SCN1A: variants seen among roughly 807,000 people sequenced by gnomAD.
SCN1A encodes sodium voltage-gated channel alpha subunit 1.
SCN1A carries 13 observed loss-of-function variants against 193.7 expected under a neutral mutation model. The observed-to-expected ratio is 0.07, with a 90% CI of 0.04 to 0.11. The LOEUF is 0.11. Among genes scored for constraint, SCN1A ranks in the 10% least tolerant of loss-of-function variants. The pLI is 1.00. For synonymous variants in SCN1A, 781 were observed against 843.6 expected, an observed-to-expected ratio of 0.93 and a Z score of 1.29; for missense variants, 1,432 against 2,451.1, an observed-to-expected ratio of 0.58 and a Z score of 8.78.
chr2:166,019,178 C>T (rs1003819804), intron 19 of SCN1A, among the ~76,000 whole-genome samples: 1 of 151,932 alleles, frequency 6.6e-6, no homozygotes, highest in Non-Finnish European at 1.5e-5. Flanking sequence ...TTTTTTAATG[C>T]ATAGAGCTTG....
chr2:166,140,144 C>T (rs1342049299), intron 1 of SCN1A, among the ~76,000 whole-genome samples: 4 of 152,040 alleles, frequency 2.6e-5, no homozygotes, highest in Admixed American at 6.6e-5. Context: ...CACACAGTAA[C>T]GAGGTGACTA....
chr2:166,133,611 A>T (rs1362817227), intron 1 of SCN1A, among the ~76,000 whole-genome samples: 2 of 152,140 alleles, frequency 1.3e-5, no homozygotes, highest in Non-Finnish European at 2.9e-5. Context: ...TGCTCTGTAT[A>T]TATCTTTAAT....
rs905786944 is a variant in SCN1A at position 166,103,059 on chromosome 2, G to T, written c.-142+23865C>A. Among the ~76,000 whole-genome samples, 4 of 143,600 alleles carry T rather than the reference G, an allele frequency of 2.8e-5. No homozygotes were observed. The East Asian group carries it at 5.9e-4, about 21-fold the overall frequency. The allele number at this position is 143,600 out of a possible 152,430, so 94.2% of individuals were successfully genotyped here. A position where few individuals can be genotyped will look rare whatever the true frequency, so the allele number is the denominator to read the frequency against. On this transcript the variant is annotated intron_variant, in intron 2 of 28. Transcript: ENST00000674923. ...CTATTAGATTTCAAGCCTGACTTTA[G>T]ATTTGGGAGATATATATATATATAT...
At chr2:166,132,677 G>A (rs1423343719), upstream of SCN1A, among the ~76,000 whole-genome samples, 2 of 152,086 alleles carry the variant, frequency 1.3e-5, no homozygotes, top group South Asian at 2.1e-4. Flanking sequence ...ACAATTTTTT[G>A]ATGGCAAGAA....
intron 3 of SCN1A, among the ~76,000 whole-genome samples, chr2:166,076,665 A>T (rs1485587110): frequency 1.3e-5 from 2 of 152,032 alleles, no homozygotes; most frequent in Non-Finnish European, 2.9e-5. Flanking sequence ...TAATCAATAC[A>T]GTGTGGTACT....
chr2:166,130,768 A>G (rs555063858), upstream of SCN1A, among the ~76,000 whole-genome samples: 86 of 152,330 alleles, frequency 5.6e-4, no homozygotes, highest in African/African-American at 2.0e-3. Context: ...ATCATTCTGT[A>G]CACAGATACT....
At chr2:166,085,457 T>C (rs1686008749) in intron 2 of SCN1A, among the ~76,000 whole-genome samples, 1 of 152,120 alleles carries the variant, frequency 6.6e-6, no homozygotes, top group Admixed American at 6.6e-5. Context: ...CTCTTTAGCA[T>C]AAACTCAATT....
At position 166,009,913 on chromosome 2, in the gene SCN1A, C is replaced by A. The variant is rs534314134; in HGVS notation, c.3880-72G>T. ...AATGTGTAGTTGCTATATAATACAA[C>A]AAGTATAATTTTTGCTTATAATTAT... On this transcript the variant is annotated intron_variant, in intron 22 of 28. Coordinates refer to ENST00000674923, the MANE Select transcript of SCN1A (RefSeq NM_001165963.4). 2.8e-6 allele frequency: 4 copies of A among 1,418,352 alleles called. No individual in the cohort carries two copies. The African/African-American group carries it at 5.7e-5, about 20-fold the overall frequency. 87.9% of individuals were successfully genotyped at this position (1,418,352 alleles called of 1,614,324 possible). A position where few individuals can be genotyped will look rare whatever the true frequency, so the allele number is the denominator to read the frequency against.
chr2:166,072,939 A>G (rs898946663), intron 4 of SCN1A, among the ~76,000 whole-genome samples: 1 of 150,780 alleles, frequency 6.6e-6, no homozygotes, highest in Non-Finnish European at 1.5e-5. Context: ...AGGGTTCAAC[A>G]AGGGATTCCC....
At chr2:166,083,738 A>G (rs551011378) in intron 2 of SCN1A, among the ~76,000 whole-genome samples, 1 of 152,286 alleles carries the variant, frequency 6.6e-6, no homozygotes, top group Admixed American at 6.5e-5. Context: ...AAATCATGTG[A>G]AATTTAGGAT....
At chr2:166,015,159 C>A (rs1693106718) in intron 20 of SCN1A, among the ~76,000 whole-genome samples, 1 of 151,734 alleles carries the variant, frequency 6.6e-6, no homozygotes, top group South Asian at 2.1e-4. Flanking sequence ...TATAGAGTTT[C>A]TAGGGCAGTA....
Position 165,987,843 on chromosome 2 carries a change from C to T in SCN1A, c.*3402G>A, listed in dbSNP as rs1256535583. On this transcript the variant is annotated 3_prime_UTR_variant, in exon 29 of 29. Transcript: ENST00000674923. ...TTGGAAAGGTAACAGTGAGTAATGGCGTGGATGGGTAGTATAAAAAGTCTG... is the reference window on the plus strand; with the variant it reads ...TTGGAAAGGTAACAGTGAGTAATGGTGTGGATGGGTAGTATAAAAAGTCTG... 2 of 151,982 alleles carry T rather than the reference C, an allele frequency of 1.3e-5. No homozygotes were observed. The highest frequency in any genetic ancestry group is 1.9e-4 in the East Asian group (1 of 5,176). 9.4% of individuals were successfully genotyped at this position (151,982 alleles called of 1,614,324 possible). A position where few individuals can be genotyped will look rare whatever the true frequency, so the allele number is the denominator to read the frequency against.
chr2:165,993,493 C>G (rs1689575524), intron 28 of SCN1A: 1 of 152,140 alleles, frequency 6.6e-6, no homozygotes, highest in African/African-American at 2.4e-5. Context: ...TTAGTTTTGT[C>G]TAATGAAATG....
intron 19 of SCN1A, among the ~76,000 whole-genome samples, chr2:166,019,069 T>C (rs985848302): frequency 2.0e-5 from 3 of 152,186 alleles, no homozygotes; most frequent in Admixed American, 1.3e-4. Flanking sequence ...GATCCAGGAA[T>C]TGGTGAATAG....
chr2:166,055,192 G>GTTT (rs5836077), intron 6 of SCN1A, among the ~76,000 whole-genome samples: 2 of 147,266 alleles, frequency 1.4e-5, no homozygotes. Flanking sequence ...ATTAGCACGT[G>GTTT]TTTTTTTTTT....
At chr2:166,076,703 GGAATAGGA>G (rs1685018729) in intron 3 of SCN1A, among the ~76,000 whole-genome samples, 1 of 151,856 alleles carries the variant, frequency 6.6e-6, no homozygotes, top group Non-Finnish European at 1.5e-5. Context: ...GTGGATCAAT[GGAATAGGA>G]TAGTGAGTGT....
rs117150624 is a variant in SCN1A, at chr2:166,012,022, T to C, written c.3879+87A>G. 1.1e-5 allele frequency: 13 copies of C among 1,192,616 alleles called. No individual in the cohort carries two copies. The East Asian group carries it at 2.6e-4, about 24-fold the overall frequency. 73.9% of individuals were successfully genotyped at this position (1,192,616 alleles called of 1,614,324 possible). A position where few individuals can be genotyped will look rare whatever the true frequency, so the allele number is the denominator to read the frequency against. ...GTTATTATAGTCTGTCAACATAACA[T>C]AGTGGTCTGAGACTCACTATTGTAG... On this transcript the variant is annotated intron_variant, in intron 22 of 28. Transcript: ENST00000674923.
chr2:166,145,134 C>T (rs1692260996), intron 1 of SCN1A, among the ~76,000 whole-genome samples: 1 of 134,418 alleles, frequency 7.4e-6, no homozygotes, highest in Non-Finnish European at 1.6e-5. Context: ...CTGCACCTGG[C>T]CTAAGTAATT....
upstream of SCN1A, among the ~76,000 whole-genome samples, chr2:166,128,792 C>T (rs1265463978): frequency 6.6e-6 from 1 of 152,092 alleles, no homozygotes. Flanking sequence ...GTCCAATTGC[C>T]TATTACCCAA....
Sources: allele counts gnomAD v4.1 joint callset (sites outside exome capture counted in the v4.1 genomes callset), GRCh38; gene constraint gnomAD v4.1.1; transcripts MANE v1.5; gene names NCBI Gene and HGNC (gene_info 2026-07-23, HGNC 2026-07-21).